Variants in SPG11 observed in about 807,000 individuals in gnomAD.
The protein encoded by SPG11 is spatacsin.
SPG11 carries 222 observed loss-of-function variants against 274.0 expected under a neutral mutation model. The observed-to-expected ratio is 0.81, with a 90% CI of 0.73 to 0.91. The LOEUF (loss-of-function observed/expected upper bound fraction) is 0.91, where lower values mean the gene tolerates loss of function less well. Among genes scored for constraint, SPG11 ranks in the 40% least tolerant of loss-of-function variants. The pLI, the probability that SPG11 is intolerant of heterozygous loss-of-function variation, is 0.00. For synonymous variants in SPG11, 1,144 were observed against 1,039.7 expected (o/e 1.10, Z -1.93); for missense variants, 3,114 against 2,872.7 (o/e 1.08, Z -1.92).
At position 44,615,360 on chromosome 15, in the gene SPG11, C is replaced by G. The variant is rs779691473; in HGVS notation, c.3038+3G>C. On this transcript the variant is annotated splice_donor_region_variant and intron_variant, in intron 16 of 39. Coordinates refer to ENST00000261866, the MANE Select transcript of SPG11 (RefSeq NM_025137.4). ...CAAGGACAAATGCATTCTCAGTACTCACTTGTAACAGTCAAGGTAGACATA... is the reference window on the plus strand; with the variant it reads ...CAAGGACAAATGCATTCTCAGTACTGACTTGTAACAGTCAAGGTAGACATA... 6.2e-7 allele frequency: 1 copy of G among 1,613,186 alleles called. No homozygotes were observed.
At chr15:44,658,653 G>A (rs2085010254) in intron 3 of SPG11, among the ~76,000 whole-genome samples, 1 of 152,046 alleles carries the variant, frequency 6.6e-6, no homozygotes, top group South Asian at 2.1e-4. Context: ...CAGAGACGGG[G>A]TTTCACCATA....
At position 44,608,226 on chromosome 15, in the gene SPG11, C is replaced by CT. The variant is rs201462051; in HGVS notation, c.3453+217dup. On this transcript the variant is annotated intron_variant, in intron 19 of 39. Transcript: ENST00000261866. The stretch of plus-strand genomic sequence containing the variant: ...CAGCTTCTGGGTTCTGGTAACACCA[C>CT]TTTTTTGCATTGTTCTTGCAGCCTT... Among the ~76,000 whole-genome samples, 387 of 152,278 alleles carry CT rather than the reference C, an allele frequency of 2.5e-3. 5 individuals carry two copies. The highest frequency in any genetic ancestry group is 9.1e-3 in the African/African-American group (380 of 41,554).
chr15:44,657,050 G>C (rs1246048710), intron 4 of SPG11, 45 bp downstream of exon 4: 2 of 1,544,710 alleles, frequency 1.3e-6, no homozygotes, highest in Non-Finnish European at 1.8e-6. Flanking sequence ...CCTCTTATCA[G>C]TCTAACTATT....
rs182060981 is a variant in SPG11 at position 44,563,399 on chromosome 15, A to C, written c.7152-98T>G. 40 of 1,147,774 alleles carry C rather than the reference A, an allele frequency of 3.5e-5. No homozygotes were observed. The East Asian group carries it at 9.4e-4, about 27-fold the overall frequency. The allele number at this position is 1,147,774 out of a possible 1,614,324, so 71.1% of individuals were successfully genotyped here. On this transcript the variant is annotated intron_variant, in intron 39 of 39. Transcript: ENST00000261866. ...TGTTGCCCAGGCTGGAGTGCAGAGG[A>C]GCAGTCTTGGCTCACTGCAACCTCC... is the stretch of plus-strand genomic sequence containing the variant.
intron 19 of SPG11, among the ~76,000 whole-genome samples, chr15:44,607,557 C>T (rs1486363144): frequency 6.6e-6 from 1 of 152,204 alleles, no homozygotes; most frequent in East Asian, 1.9e-4. Context: ...GCATGAGCCA[C>T]TGCACCCGGC....
rs970658081 is a variant in SPG11 at position 44,608,339 on chromosome 15, G to A, written c.3453+105C>T. ...CCCATTCTGCTATCATGCTGTGTAAGTAATTCCCTACATTAAATGCCCTCC... is the reference window on the plus strand; with the variant it reads ...CCCATTCTGCTATCATGCTGTGTAAATAATTCCCTACATTAAATGCCCTCC... On this transcript the variant is annotated intron_variant, in intron 19 of 39. Transcript: ENST00000261866. The A allele has an allele frequency of 1.8e-5, 22 of 1,241,032 alleles. No homozygotes were observed. The Middle Eastern group carries it at 1.6e-3, about 92-fold the overall frequency. 76.9% of individuals were successfully genotyped at this position (1,241,032 alleles called of 1,614,324 possible).
chr15:44,564,294 G>GTGTT (rs2082265048), intron 39 of SPG11, among the ~76,000 whole-genome samples: 1 of 152,184 alleles, frequency 6.6e-6, no homozygotes, highest in Admixed American at 6.5e-5. Context: ...GGCCTGGCCA[G>GTGTT]TGTTTTAGGT....
chr15:44,600,991 A>G (rs1481966316), intron 20 of SPG11, among the ~76,000 whole-genome samples: 3 of 152,168 alleles, frequency 2.0e-5, no homozygotes, highest in Admixed American at 2.0e-4. Context: ...CGTCTCTACT[A>G]AAAATACAAA....
At chr15:44,654,800 C>T (rs146137605) in intron 4 of SPG11, among the ~76,000 whole-genome samples, 56 of 151,772 alleles carry the variant, frequency 3.7e-4, no homozygotes, top group African/African-American at 7.3e-4. Context: ...TGCACCATTG[C>T]GCTCCATCCC....
intron 32 of SPG11, 88 bp from the exon 33 acceptor site, chr15:44,572,908 T>A: frequency 7.2e-7 from 1 of 1,381,248 alleles, no homozygotes; most frequent in Non-Finnish European, 1.0e-6. Flanking sequence ...GTAATGCTTA[T>A]GGAGCTCTGC....
Position 44,651,542 on chromosome 15 carries a change from A to G in SPG11, c.1405T>C (p.Cys469Arg), listed in dbSNP as rs778657038. 6.2e-7 allele frequency: 1 copy of G among 1,614,064 alleles called. No individual in the cohort carries two copies. The highest frequency in any genetic ancestry group is 1.3e-5 in the African/African-American group (1 of 74,932). ...GMQCFSLGTK[C>R]IPVDSSGDQQ... Reference sequence around the variant, plus strand: ...TCTCCACTACTGTCTACAGGAATACACTTTGTGCCAAGGGAAAAACACTGC... The same window carrying G: ...TCTCCACTACTGTCTACAGGAATACGCTTTGTGCCAAGGGAAAAACACTGC... Residue 469 changes from cysteine to arginine, a missense_variant, in exon 6 of 40, where the codon TGT becomes CGT. Physicochemically the swap from Cys to Arg is radical, Grantham distance 180. Coordinates refer to ENST00000261866, the MANE Select transcript of SPG11 (RefSeq NM_025137.4).
At chr15:44,606,302 T>C (rs1006966016) in intron 19 of SPG11, 9 of 514,354 alleles carry the variant, frequency 1.7e-5, no homozygotes, top group Middle Eastern at 1.1e-3. Context: ...ACTGGCTATG[T>C]TCCTTTTAAA....
At chr15:44,568,087 G>T (rs1017138576) in intron 35 of SPG11, among the ~76,000 whole-genome samples, 1 of 152,146 alleles carries the variant, frequency 6.6e-6, no homozygotes, top group Non-Finnish European at 1.5e-5. Context: ...CACTGTATAA[G>T]TTTTATTAAA....
At chr15:44,579,119 C>T (rs2082607100) in intron 30 of SPG11, among the ~76,000 whole-genome samples, 1 of 151,964 alleles carries the variant, frequency 6.6e-6, no homozygotes, top group Non-Finnish European at 1.5e-5. Flanking sequence ...GATTGCACCA[C>T]TGCACTCCAG....
intron 15 of SPG11, among the ~76,000 whole-genome samples, chr15:44,618,516 C>T (rs1317455931): frequency 5.7e-5 from 2 of 35,380 alleles, no homozygotes; most frequent in African/African-American, 2.0e-4. Flanking sequence ...GACTCCATCT[C>T]AAAAAAAAAA....
At position 44,567,577 on chromosome 15, in the gene SPG11, T is replaced by A. The variant is rs1282927783; in HGVS notation, c.6601A>T (p.Thr2201Ser). Residue 2201 changes from threonine (T) to serine (S), a missense_variant, in exon 36 of 40, where the codon ACA becomes TCA. Coordinates refer to ENST00000261866, the MANE Select transcript of SPG11 (RefSeq NM_025137.4). ...CGTTTGATGTAGTCCAGCAGGGCTG[T>A]TTTCAGGGTACCACTCTGCCCAGAA... ...KKLDPSGTLK[T>S]ALLDYIKRCR... is the part of the protein sequence containing the mutation. 6.2e-7 allele frequency: 1 copy of A among 1,613,954 alleles called. No homozygotes were observed. The highest frequency in any genetic ancestry group is 2.2e-5 in the East Asian group (1 of 44,864).
chr15:44,584,770 C>T (rs1567139266), intron 29 of SPG11, among the ~76,000 whole-genome samples: 1 of 152,140 alleles, frequency 6.6e-6, no homozygotes, highest in Non-Finnish European at 1.5e-5. Context: ...GCTGGGACCA[C>T]AGGTGTGTGC....
intron 2 of SPG11, among the ~76,000 whole-genome samples, chr15:44,659,906 TAA>T (rs1197107762): frequency 2.0e-5 from 3 of 152,006 alleles, no homozygotes; most frequent in Non-Finnish European, 4.4e-5. Flanking sequence ...ACTAAAAATA[TAA>T]AAGTTAGCTG....
rs570599267 is a variant in SPG11 at position 44,584,082 on chromosome 15, G to A, written c.5598C>T (p.Cys1866=). ...ELNSLPSKET[C]ENRLDWKEQE... ...GCTCTTTCCAATCCAATCTATTCTCGCATGTCTCTTTGGATGGAAGGCTGT... is the reference window on the plus strand; with the variant it reads ...GCTCTTTCCAATCCAATCTATTCTCACATGTCTCTTTGGATGGAAGGCTGT... The change falls in exon 30 of 40, where the codon TGC becomes TGT. Residue 1866 remains cysteine (C), a synonymous_variant. Coordinates refer to ENST00000261866, the MANE Select transcript of SPG11 (RefSeq NM_025137.4). 26 of 1,614,186 alleles carry A rather than the reference G, an allele frequency of 1.6e-5. No individual in the cohort carries two copies. The highest frequency in any genetic ancestry group is 2.0e-5 in the Non-Finnish European group (24 of 1,180,044).
Sources: gnomAD v4.1 joint callset for allele counts (sites outside exome capture counted in the v4.1 genomes callset) on GRCh38, gnomAD v4.1.1 for gene constraint, MANE v1.5 for transcripts, NCBI Gene and HGNC (gene_info 2026-07-23, HGNC 2026-07-21) for gene names.